ASB7: variants seen among roughly 807,000 people sequenced by gnomAD.
ASB7 encodes the protein ankyrin repeat and SOCS box containing 7.
A neutral mutation model predicts 32.5 loss-of-function variants in ASB7; 4 were observed. The ratio of observed to expected loss-of-function variants is 0.12; its 90% CI spans 0.06 to 0.28. The LOEUF is 0.28. Ranked by LOEUF, ASB7 falls within the 10% of genes least tolerant of loss-of-function variation. The pLI is 1.00. For synonymous variants in ASB7, 172 were observed against 155.6 expected (o/e 1.11, Z -0.78); for missense variants, 181 against 407.1 (o/e 0.44, Z 4.78).
intron 4 of ASB7, among the ~76,000 whole-genome samples, chr15:100,620,714 G>A (rs1307489479): frequency 6.6e-6 from 1 of 152,200 alleles, no homozygotes; most frequent in Non-Finnish European, 1.5e-5. Context: ...GGTGGAAATT[G>A]TAACAAACTC....
rs2039566384 is a variant in ASB7 at position 100,602,897 on chromosome 15, T to C, written c.-422T>C. ...TCGCCACCTCCTGCCTTCTCGGCTG[T>C]TCGGATGTTCGCCGGGCTGGGGCCG... is the stretch of plus-strand genomic sequence containing the variant. On this transcript the variant is annotated 5_prime_UTR_variant, in exon 1 of 6. Transcript: ENST00000332783. 1 of 398,066 alleles carries C rather than the reference T, an allele frequency of 2.5e-6. No homozygotes were observed. The highest frequency in any genetic ancestry group is 4.4e-6 in the Non-Finnish European group (1 of 225,860). 24.7% of individuals were successfully genotyped at this position (398,066 alleles called of 1,614,324 possible). A position where few individuals can be genotyped will look rare whatever the true frequency, so the allele number is the denominator to read the frequency against.
chr15:100,640,510 T>G (rs1378310191), intron 5 of ASB7, among the ~76,000 whole-genome samples: 5 of 152,174 alleles, frequency 3.3e-5, no homozygotes, highest in African/African-American at 1.2e-4. Context: ...TCCCAGATGT[T>G]GACCTAAGAT....
At chr15:100,639,827 A>G (rs564427313) in intron 5 of ASB7, among the ~76,000 whole-genome samples, 1 of 152,230 alleles carries the variant, frequency 6.6e-6, no homozygotes, top group African/African-American at 2.4e-5. Context: ...CCTTTATAGT[A>G]TTTATATTAC....
At chr15:100,621,787 A>G (rs1438602512) in intron 4 of ASB7, among the ~76,000 whole-genome samples, 1 of 152,088 alleles carries the variant, frequency 6.6e-6, no homozygotes, top group African/African-American at 2.4e-5. Flanking sequence ...GATAGAGAAG[A>G]TAGATGGAAC....
intron 5 of ASB7, among the ~76,000 whole-genome samples, chr15:100,637,194 G>A (rs2039929858): frequency 6.6e-6 from 1 of 152,236 alleles, no homozygotes; most frequent in Non-Finnish European, 1.5e-5. Context: ...TGTTTGAGCT[G>A]AGCCGGCAGC....
intron 4 of ASB7, among the ~76,000 whole-genome samples, chr15:100,614,757 A>AG (rs2039727645): frequency 6.6e-6 from 1 of 151,904 alleles, no homozygotes; most frequent in Non-Finnish European, 1.5e-5. Flanking sequence ...AAAAAAAAAA[A>AG]AAAAGCAAAA....
At position 100,648,367 on chromosome 15, in the gene ASB7, C is replaced by A; in HGVS notation, c.862C>A (p.Gln288Lys). The A allele has an allele frequency of 6.2e-7, 1 of 1,609,422 alleles. No homozygotes were observed. The highest frequency in any genetic ancestry group is 8.5e-7 in the Non-Finnish European group (1 of 1,177,862). Residue 288 changes from glutamine to lysine, a missense_variant, in exon 6 of 6, where the codon CAA becomes AAA. By Grantham distance (53) the Gln-to-Lys change is moderately conservative. Transcript: ENST00000332783. ...GGACCTGTGCCGAATTAAAATTCGA[C>A]AATGTATAGGCCTTCAAAACCTAAA... ...LQDLCRIKIR[Q>K]CIGLQNLKLL...
intron 5 of ASB7, among the ~76,000 whole-genome samples, chr15:100,634,079 T>C (rs1257705384): frequency 6.6e-6 from 1 of 152,204 alleles, no homozygotes; most frequent in Non-Finnish European, 1.5e-5. Context: ...TACTATAACC[T>C]TGTGAAAAGA....
chr15:100,618,622 GGTGT>G (rs57805541), intron 4 of ASB7, among the ~76,000 whole-genome samples: 5 of 150,288 alleles, frequency 3.3e-5, no homozygotes, highest in South Asian at 4.2e-4. Flanking sequence ...CTGTGTGTGT[GGTGT>G]GTGTGTGTGT....
chr15:100,629,899 A>G lies in ASB7; in HGVS notation c.674A>G (p.Asp225Gly), dbSNP rs1368765268. 6.2e-7 allele frequency: 1 copy of G among 1,614,070 alleles called. No individual in the cohort carries two copies. The highest frequency in any genetic ancestry group is 8.5e-7 in the Non-Finnish European group (1 of 1,180,028). Residue 225 changes from aspartate to glycine, a missense_variant, in exon 5 of 6, where the codon GAT becomes GGT. Coordinates refer to ENST00000332783, the MANE Select transcript of ASB7 (RefSeq NM_198243.3). The surrounding 1 kb of genome is among the most constrained non-coding windows in gnomAD (Gnocchi z 6.8). ...QTPLHLSALR[D>G]DVLCARMLYN... ...CCTTTACACTTATCTGCCCTTAGGGATGATGTGCTGTGTGCACGGATGTTA... is the reference window on the plus strand; with the variant it reads ...CCTTTACACTTATCTGCCCTTAGGGGTGATGTGCTGTGTGCACGGATGTTA...
intron 4 of ASB7, among the ~76,000 whole-genome samples, chr15:100,619,117 C>T (rs571920461): frequency 1.1e-4 from 16 of 151,748 alleles, no homozygotes; most frequent in Non-Finnish European, 1.9e-4. Context: ...GGTGGGTGGA[C>T]GAGTGCAAGG....
At chr15:100,620,780 G>A (rs1015421496) in intron 4 of ASB7, among the ~76,000 whole-genome samples, 1 of 152,154 alleles carries the variant, frequency 6.6e-6, no homozygotes, top group African/African-American at 2.4e-5. Context: ...GACCATGCTG[G>A]ACATTTCAAG....
In ASB7 at chr15:100,622,976, CAATT is replaced by C. The variant is rs201434049; in HGVS notation, c.212-6457_212-6454del. 9.0e-3 allele frequency among the ~76,000 whole-genome samples: 1,370 copies of C among 152,244 alleles called. 16 individuals are homozygous for C. The highest frequency in any genetic ancestry group is 0.015 in the Non-Finnish European group (1,024 of 68,010). ...AAAAACCTTTATACAGCAAAAGAAACAATTAATAGAATGAAGAGACAGCCTGTTG... is the reference window on the plus strand; with the variant it reads ...AAAAACCTTTATACAGCAAAAGAAACAATAGAATGAAGAGACAGCCTGTTG... On this transcript the variant is annotated intron_variant, in intron 4 of 5. Coordinates refer to ENST00000332783, the MANE Select transcript of ASB7 (RefSeq NM_198243.3).
chr15:100,617,965 C>T (rs1261243394), intron 4 of ASB7, among the ~76,000 whole-genome samples: 71 of 152,236 alleles, frequency 4.7e-4, no homozygotes, highest in South Asian at 1.0e-3. Context: ...TCATGCCTCC[C>T]CCCACCCCCC....
chr15:100,633,645 A>AGAAGGAAGGAGGAAG lies in ASB7; in HGVS notation c.817+3631_817+3645dup, dbSNP rs369779827. Among the ~76,000 whole-genome samples, 234 of 149,100 alleles carry AGAAGGAAGGAGGAAG rather than the reference A, an allele frequency of 1.6e-3. 2 individuals carry two copies. The highest frequency in any genetic ancestry group is 3.4e-3 in the Middle Eastern group (1 of 292). ...AGAAAGGAAGAAAGGAAGGAAAGGA[A>AGAAGGAAGGAGGAAG]GAAGGAAGGAGGAAGGAAGGAAGGA... On this transcript the variant is annotated intron_variant, in intron 5 of 5. Coordinates refer to ENST00000332783, the MANE Select transcript of ASB7 (RefSeq NM_198243.3).
intron 4 of ASB7, among the ~76,000 whole-genome samples, chr15:100,614,310 A>G (rs553624629): frequency 3.5e-4 from 53 of 152,018 alleles, no homozygotes; most frequent in African/African-American, 1.2e-3. Flanking sequence ...AGAAAGAAAA[A>G]TTCTGTCGTA....
intron 5 of ASB7, among the ~76,000 whole-genome samples, chr15:100,631,802 G>T (rs1267451900): frequency 6.6e-6 from 1 of 152,122 alleles, no homozygotes; most frequent in African/African-American, 2.4e-5. Context: ...TATTTATAAT[G>T]CACTTAACAC....
chr15:100,630,205 C>T, intron 5 of ASB7, 163 bp downstream of exon 5: 1 of 1,339,684 alleles, frequency 7.5e-7, no homozygotes, highest in Admixed American at 3.4e-5. Context: ...AAAACTTTGA[C>T]TGTATCACAA....
chr15:100,633,225 AG>A (rs967582109), intron 5 of ASB7, among the ~76,000 whole-genome samples: 2 of 151,426 alleles, frequency 1.3e-5, no homozygotes, highest in African/African-American at 4.8e-5. Context: ...AAAAAAAAAA[AG>A]AATGGAATGA....
Sources: gnomAD v4.1 joint callset for allele counts (sites outside exome capture counted in the v4.1 genomes callset) on GRCh38, gnomAD v4.1.1 for gene constraint, Gnocchi (gnomAD v3.1) non-coding constraint, MANE v1.5 for transcripts, NCBI Gene and HGNC (gene_info 2026-07-23, HGNC 2026-07-21) for gene names.